Variants in COL13A1 observed in about 807,000 individuals in gnomAD.
COL13A1 encodes the protein collagen type XIII alpha 1 chain.
A neutral mutation model predicts 130.9 loss-of-function variants in COL13A1; 89 were observed. The ratio of observed to expected loss-of-function variants is 0.68; its 90% confidence interval spans 0.57 to 0.81. The LOEUF is 0.81. Among genes scored for constraint, COL13A1 ranks in the 30% least tolerant of loss-of-function variants. COL13A1 has a pLI of 0.00. For synonymous variants in COL13A1, 402 were observed against 341.6 expected, an observed-to-expected ratio of 1.18 and a Z score of -1.95; for missense variants, 879 against 934.6, an observed-to-expected ratio of 0.94 and a Z score of 0.78.
intron 26 of COL13A1, among the ~76,000 whole-genome samples, chr10:69,926,135 C>T (rs1288077272): frequency 6.6e-6 from 1 of 152,254 alleles, no homozygotes; most frequent in Non-Finnish European, 1.5e-5. Context: ...GCCTCAGGGC[C>T]CCTGAGTGCC....
intron 1 of COL13A1, among the ~76,000 whole-genome samples, chr10:69,805,073 G>A (rs969810602): frequency 1.3e-5 from 2 of 152,158 alleles, no homozygotes; most frequent in East Asian, 1.9e-4. Flanking sequence ...AGAACTGGGG[G>A]AAGTCCAGGA....
intron 35 of COL13A1, among the ~76,000 whole-genome samples, chr10:69,942,410 G>A (rs572695358): frequency 3.3e-5 from 5 of 152,222 alleles, no homozygotes; most frequent in East Asian, 1.9e-4. Flanking sequence ...TCTCAGGTGC[G>A]GGCAGGGCTC....
At chr10:69,838,574 T>C (rs1480680318) in intron 2 of COL13A1, among the ~76,000 whole-genome samples, 1 of 152,194 alleles carries the variant, frequency 6.6e-6, no homozygotes, top group Non-Finnish European at 1.5e-5. Flanking sequence ...AGGCCAGGAC[T>C]CTCTTGACCA....
At chr10:69,949,463 T>C (rs1169675135) in intron 38 of COL13A1, among the ~76,000 whole-genome samples, 1 of 152,244 alleles carries the variant, frequency 6.6e-6, no homozygotes, top group Non-Finnish European at 1.5e-5. Flanking sequence ...ATTACAGACA[T>C]GAGCCACCGC....
intron 17 of COL13A1, among the ~76,000 whole-genome samples, chr10:69,910,270 C>A (rs892553258): frequency 6.6e-6 from 1 of 151,994 alleles, no homozygotes; most frequent in African/African-American, 2.4e-5. Context: ...GTTTGGCCTC[C>A]CCTACCACCC....
intron 7 of COL13A1, among the ~76,000 whole-genome samples, chr10:69,885,596 G>A (rs1383169772): frequency 6.6e-6 from 1 of 152,150 alleles, no homozygotes; most frequent in African/African-American, 2.4e-5. Context: ...TGCTACCAGG[G>A]CAGGCTCTGT....
At chr10:69,841,806 A>T (rs772711571) in intron 2 of COL13A1, among the ~76,000 whole-genome samples, 1 of 152,224 alleles carries the variant, frequency 6.6e-6, no homozygotes, top group Admixed American at 6.5e-5. Flanking sequence ...GCAAGGGAAC[A>T]GCAAGGGCAG....
At chr10:69,846,231 G>A (rs1247671443) in intron 2 of COL13A1, among the ~76,000 whole-genome samples, 1 of 152,242 alleles carries the variant, frequency 6.6e-6, no homozygotes, top group African/African-American at 2.4e-5. Flanking sequence ...GGCTGGGGGT[G>A]GTCCCAAGAC....
chr10:69,822,082 T>G (rs1420765824), intron 1 of COL13A1, among the ~76,000 whole-genome samples: 3 of 152,194 alleles, frequency 2.0e-5, no homozygotes, highest in Non-Finnish European at 4.4e-5. Flanking sequence ...GAGCATGAGG[T>G]GCAGGAAGAT....
intron 5 of COL13A1, among the ~76,000 whole-genome samples, chr10:69,876,511 C>A (rs534487017): frequency 6.6e-6 from 1 of 152,332 alleles, no homozygotes; most frequent in East Asian, 1.9e-4. Flanking sequence ...AGGCTGGGAG[C>A]CCTGGGCCGC....
Position 69,805,672 on chromosome 10 carries a change from C to T in COL13A1, c.294+2955C>T, listed in dbSNP as rs151284240. ...CCTCGCAGAAAGTTCTATTGGCCAG[C>T]GCTGTGCTACGAGCAGCTTCTGGGC... On this transcript the variant is annotated intron_variant, in intron 1 of 40. Transcript: ENST00000645393. 3.4e-3 allele frequency among the ~76,000 whole-genome samples: 516 copies of T among 152,274 alleles called. 4 individuals are homozygous for T. Among genetic ancestry groups the T allele is most frequent in the Non-Finnish European group, 5.1e-3 (344 of 68,032 alleles).
At chr10:69,938,199 C>A (rs570183487) in intron 34 of COL13A1, among the ~76,000 whole-genome samples, 1 of 152,292 alleles carries the variant, frequency 6.6e-6, no homozygotes, top group East Asian at 1.9e-4. Context: ...CAGGCCAAGG[C>A]CGTTCATCTC....
At chr10:69,817,630 T>A (rs1161052836) in intron 1 of COL13A1, among the ~76,000 whole-genome samples, 1 of 151,994 alleles carries the variant, frequency 6.6e-6, no homozygotes, top group Non-Finnish European at 1.5e-5. Context: ...GGAGGAGACG[T>A]TGGATCTAGC....
rs761086968 is a variant in COL13A1, at chr10:69,875,108, T to C, written c.400-20T>C. ...CTGGTTCCAACCACATCTGACTGTT[T>C]CTGCCTCCTTCATCATCAGGGGGAC... On this transcript the variant is annotated intron_variant, in intron 4 of 40. Coordinates refer to ENST00000645393, the MANE Select transcript of COL13A1 (RefSeq NM_001368882.1). 5 of 1,613,912 alleles carry C rather than the reference T, an allele frequency of 3.1e-6. No individual in the cohort carries two copies. The highest frequency in any genetic ancestry group is 4.2e-6 in the Non-Finnish European group (5 of 1,179,902).
chr10:69,950,711 C>A (rs1336312030), intron 38 of COL13A1, among the ~76,000 whole-genome samples: 4 of 152,192 alleles, frequency 2.6e-5, no homozygotes, highest in Non-Finnish European at 5.9e-5. Flanking sequence ...TATTTAAACG[C>A]ATGTCGTTTT....
intron 38 of COL13A1, among the ~76,000 whole-genome samples, chr10:69,948,705 A>T (rs921408440): frequency 6.6e-6 from 1 of 152,166 alleles, no homozygotes; most frequent in Non-Finnish European, 1.5e-5. Context: ...CCTTCTTCAG[A>T]CTTTTTCAGT....
chr10:69,875,363 A>G (rs1368978059), intron 5 of COL13A1, among the ~76,000 whole-genome samples, 200 bp downstream of exon 5: 2 of 152,228 alleles, frequency 1.3e-5, no homozygotes, highest in Non-Finnish European at 2.9e-5. Flanking sequence ...CAGACCTCAC[A>G]GTATGGCACT....
At chr10:69,816,027 G>C (rs1053194894) in intron 1 of COL13A1, among the ~76,000 whole-genome samples, 1 of 151,714 alleles carries the variant, frequency 6.6e-6, no homozygotes, top group Non-Finnish European at 1.5e-5. Context: ...CAGGCAGAGA[G>C]CCCAGTAAGT....
intron 10 of COL13A1, among the ~76,000 whole-genome samples, chr10:69,893,820 C>T (rs2061406733): frequency 6.6e-6 from 1 of 152,198 alleles, no homozygotes; most frequent in South Asian, 2.1e-4. Context: ...CAGACACATA[C>T]CTGAAGAGCC....
Sources: gnomAD v4.1 joint callset for allele counts (sites outside exome capture counted in the v4.1 genomes callset) on GRCh38, gnomAD v4.1.1 for gene constraint, MANE v1.5 for transcripts, NCBI Gene and HGNC (gene_info 2026-07-23, HGNC 2026-07-21) for gene names.